The following TTLL11 variants were observed in gnomAD, a reference collection of about 807,000 sequenced individuals.
TTLL11 encodes the protein tubulin tyrosine ligase like 11.
Under a neutral mutation model 51.7 loss-of-function variants are expected in TTLL11, and 42 were observed. The observed-to-expected ratio is 0.81, with a 90% CI of 0.64 to 1.05. The LOEUF is 1.05. Among genes scored for constraint, TTLL11 ranks in the 50% least tolerant of loss-of-function variants. TTLL11 has a pLI of 0.00. For synonymous variants in TTLL11, 381 were observed against 383.5 expected, an observed-to-expected ratio of 0.99 and a Z score of 0.08; for missense variants, 799 against 940.4, an observed-to-expected ratio of 0.85 and a Z score of 1.97.
At chr9:122,009,833 T>C (rs771237721) in intron 3 of TTLL11, among the ~76,000 whole-genome samples, 1 of 152,086 alleles carries the variant, frequency 6.6e-6, no homozygotes, top group Non-Finnish European at 1.5e-5. Flanking sequence ...TTCAGATAGT[T>C]AGAAATCTAA....
At chr9:121,857,134 C>T (rs1423651759) in intron 8 of TTLL11, among the ~76,000 whole-genome samples, 1 of 152,200 alleles carries the variant, frequency 6.6e-6, no homozygotes, top group Non-Finnish European at 1.5e-5. Context: ...CCAGGCCCTG[C>T]TATTTCCTTC....
At chr9:121,889,859 C>T (rs561587328) in intron 6 of TTLL11, among the ~76,000 whole-genome samples, 1 of 146,128 alleles carries the variant, frequency 6.8e-6, no homozygotes, top group South Asian at 2.3e-4. Flanking sequence ...AAGATCGCAC[C>T]ACTATACTCC....
At chr9:121,938,235 G>A (rs1841304233) in intron 6 of TTLL11, among the ~76,000 whole-genome samples, 1 of 146,076 alleles carries the variant, frequency 6.8e-6, no homozygotes, top group African/African-American at 2.6e-5. Context: ...GTTTCAGTGA[G>A]CCAAGATTGC....
intron 6 of TTLL11, among the ~76,000 whole-genome samples, chr9:121,898,407 G>A (rs1839627050): frequency 6.6e-6 from 1 of 152,256 alleles, no homozygotes; most frequent in African/African-American, 2.4e-5. Flanking sequence ...AGGCAGATGG[G>A]GTAACCCCAC....
intron 6 of TTLL11, among the ~76,000 whole-genome samples, chr9:121,922,958 C>T (rs1457904035): frequency 6.6e-6 from 1 of 152,198 alleles, no homozygotes; most frequent in South Asian, 2.1e-4. Context: ...TTCAAAACCA[C>T]CTTACACATG....
rs1306996408 is a variant in TTLL11, at chr9:121,847,050, A to T, written c.1840+13287T>A. On this transcript the variant is annotated intron_variant, in intron 8 of 8. Transcript: ENST00000321582. ...AAGGTGAAACCCCATCTCTACTAAA[A>T]ATACAAAAAATTAGCCAGGCGTGGT... Among the ~76,000 whole-genome samples the T allele has an allele frequency of 2.0e-5, 3 of 152,132 alleles. No individual in the cohort carries two copies. The East Asian group carries it at 5.8e-4, about 29-fold the overall frequency.
chr9:121,842,661 G>A (rs1588063250), intron 8 of TTLL11, among the ~76,000 whole-genome samples: 1 of 152,294 alleles, frequency 6.6e-6, no homozygotes, highest in East Asian at 1.9e-4. Flanking sequence ...GGCTCCTATG[G>A]GCCAGATGAG....
chr9:121,930,585 C>G (rs16911117), intron 6 of TTLL11, among the ~76,000 whole-genome samples: 11,741 of 152,256 alleles, frequency 0.077, 659 homozygotes, highest in African/African-American at 0.16. Flanking sequence ...CTGCTGCAGA[C>G]AGAAGAAATG....
intron 3 of TTLL11, among the ~76,000 whole-genome samples, chr9:121,993,821 T>C (rs1332178333): frequency 1.3e-5 from 2 of 152,194 alleles, no homozygotes; most frequent in Non-Finnish European, 2.9e-5. Flanking sequence ...TCTGAAGAAA[T>C]ACTGTGTCTG....
intron 3 of TTLL11, among the ~76,000 whole-genome samples, chr9:121,999,366 T>C (rs984442749): frequency 6.6e-6 from 1 of 152,128 alleles, no homozygotes; most frequent in African/African-American, 2.4e-5. Context: ...CGTCCAAAAC[T>C]AAGCTCATTG....
At chr9:121,954,596 C>A in intron 6 of TTLL11, among the ~76,000 whole-genome samples, 1 of 152,044 alleles carries the variant, frequency 6.6e-6, no homozygotes. Flanking sequence ...GAGAAGCAAA[C>A]CTTTCTCTTC....
intron 6 of TTLL11, among the ~76,000 whole-genome samples, chr9:121,957,809 G>C (rs75863790): frequency 0.017 from 2,532 of 152,276 alleles, 73 homozygotes; most frequent in African/African-American, 0.058. Context: ...CAGCCAGTTG[G>C]GGGTGGGGGT....
At chr9:122,006,312 C>T (rs1394222417) in intron 3 of TTLL11, among the ~76,000 whole-genome samples, 9 of 150,262 alleles carry the variant, frequency 6.0e-5, no homozygotes, top group Admixed American at 6.6e-5. Flanking sequence ...CTGCACTCTC[C>T]AGCCTGGGTA....
At chr9:121,882,391 A>G (rs1838832575) in intron 6 of TTLL11, among the ~76,000 whole-genome samples, 1 of 151,956 alleles carries the variant, frequency 6.6e-6, no homozygotes, top group Non-Finnish European at 1.5e-5. Flanking sequence ...CTGCCCACAT[A>G]CTGTTCTCTC....
chr9:121,931,583 T>TAAAAAAAAAAAAA (rs1564311677), intron 6 of TTLL11, among the ~76,000 whole-genome samples: 2 of 103,830 alleles, frequency 1.9e-5, no homozygotes, highest in East Asian at 2.6e-4. Context: ...TTTCTACTAT[T>TAAAAAAAAAAAAA]TAAAAAAAAA....
chr9:122,018,159 C>T (rs950741466), intron 3 of TTLL11, among the ~76,000 whole-genome samples: 3 of 140,232 alleles, frequency 2.1e-5, no homozygotes, highest in Admixed American at 7.6e-5. Flanking sequence ...GTTGCCCAGG[C>T]TGGAGTGCAG....
rs552177429 is a variant in TTLL11 at position 122,033,082 on chromosome 9, T to C, written c.560-1226A>G. Among the ~76,000 whole-genome samples the C allele has an allele frequency of 2.4e-4, 37 of 152,324 alleles. 1 individual carries two copies. The South Asian group carries it at 6.0e-3, about 25-fold the overall frequency. On this transcript the variant is annotated intron_variant, in intron 2 of 8. Transcript: ENST00000321582. ...TCCCAAAGCCCTGGAATTACAGGTGTAAGCCGCCATGCCTGGCATCATCCT... is the reference window on the plus strand; with the variant it reads ...TCCCAAAGCCCTGGAATTACAGGTGCAAGCCGCCATGCCTGGCATCATCCT...
chr9:121,822,236 G>A lies in TTLL11; in HGVS notation c.*351C>T, dbSNP rs1327373225. 2.4e-5 allele frequency: 4 copies of A among 164,178 alleles called. No homozygotes were observed. The highest frequency in any genetic ancestry group is 3.9e-5 in the Non-Finnish European group (3 of 76,326). The allele number at this position is 164,178 out of a possible 1,614,324, so 10.2% of individuals were successfully genotyped here. A position where few individuals can be genotyped will look rare whatever the true frequency, so the allele number is the denominator to read the frequency against. The stretch of plus-strand genomic sequence containing the variant: ...CACTCGGCTTCCTCTCCACAGCTCC[G>A]GGCCTTGGGATCGATTGTGTCCTGT... On this transcript the variant is annotated 3_prime_UTR_variant, in exon 9 of 9. Coordinates refer to ENST00000321582, the MANE Select transcript of TTLL11 (RefSeq NM_001139442.2). This position sits in a 1 kb window ranked among gnomAD's most constrained non-coding sequence, Gnocchi z 5.8.
At chr9:122,038,269 T>G (rs995365234) in intron 2 of TTLL11, among the ~76,000 whole-genome samples, 3 of 152,184 alleles carry the variant, frequency 2.0e-5, no homozygotes, top group Non-Finnish European at 2.9e-5. Flanking sequence ...GCCCTTTGAC[T>G]GCATCATACC....
Sources: gnomAD v4.1 joint callset for allele counts (sites outside exome capture counted in the v4.1 genomes callset) on GRCh38, gnomAD v4.1.1 for gene constraint, Gnocchi (gnomAD v3.1) non-coding constraint, MANE v1.5 for transcripts, NCBI Gene and HGNC (gene_info 2026-07-23, HGNC 2026-07-21) for gene names.